Variants in DCDC1 observed in about 807,000 individuals in gnomAD.
The protein encoded by DCDC1 is doublecortin domain-containing protein 1.
DCDC1 carries 200 observed loss-of-function variants against 178.3 expected under a neutral mutation model. The ratio of observed to expected loss-of-function variants is 1.12; its 90% CI spans 1.00 to 1.26. The LOEUF is 1.26. Ranked by LOEUF, DCDC1 falls within the 50% of genes most tolerant of loss-of-function variation. The pLI is 0.00. For synonymous variants in DCDC1, 690 were observed against 604.8 expected (o/e 1.14, Z -2.07); for missense variants, 1,983 against 1,749.2 (o/e 1.13, Z -2.38).
intron 20 of DCDC1, among the ~76,000 whole-genome samples, chr11:31,016,234 T>C (rs1952479324): frequency 6.6e-6 from 1 of 152,192 alleles, no homozygotes; most frequent in Admixed American, 6.5e-5. Context: ...GTTCAATAAA[T>C]GGTGGTTCTT....
At chr11:31,148,949 C>T (rs1418081655) in intron 9 of DCDC1, among the ~76,000 whole-genome samples, 2 of 151,988 alleles carry the variant, frequency 1.3e-5, no homozygotes, top group Admixed American at 1.3e-4. Context: ...TATGCCTTCC[C>T]ATCCTCAAAG....
In DCDC1 at chr11:30,931,939, G is replaced by A. The variant is rs776823503; in HGVS notation, c.2729C>T (p.Pro910Leu). 6 of 1,603,544 alleles carry A rather than the reference G, an allele frequency of 3.7e-6. No individual in the cohort carries two copies. The South Asian group carries it at 6.8e-5, about 18-fold the overall frequency. ...SGQLNEEFDW[P>L]IQGLLVPSSP... Reference sequence around the variant, plus strand: ...GCTCGGAACAAGCAGTCCTTGTATTGGCCAATCAAACTCCTTCAGAAAGAA... The same window carrying A: ...GCTCGGAACAAGCAGTCCTTGTATTAGCCAATCAAACTCCTTCAGAAAGAA... The change falls in exon 22 of 39, where the codon CCA (proline) becomes CTA (leucine). Residue 910 changes from proline (P) to leucine (L), a missense_variant. Physicochemically the swap from Pro to Leu is moderately conservative, Grantham distance 98 (BLOSUM62 -3). Coordinates refer to ENST00000684477, the MANE Select transcript of DCDC1 (RefSeq NM_001387274.1).
intron 3 of DCDC1, among the ~76,000 whole-genome samples, chr11:31,321,310 C>G (rs1949332446): frequency 8.8e-6 from 1 of 113,858 alleles, no homozygotes; most frequent in East Asian, 2.6e-4. Context: ...CAGCGAGATT[C>G]CGTGGGCGTA....
chr11:31,329,501 A>C (rs1383478094), intron 2 of DCDC1, among the ~76,000 whole-genome samples: 1 of 152,030 alleles, frequency 6.6e-6, no homozygotes, highest in Non-Finnish European at 1.5e-5. Flanking sequence ...GTACCCATTA[A>C]CTTGTCATTT....
At chr11:30,876,193 G>T (rs749606628) in intron 38 of DCDC1, among the ~76,000 whole-genome samples, 1 of 152,140 alleles carries the variant, frequency 6.6e-6, no homozygotes, top group Non-Finnish European at 1.5e-5. Context: ...ATTGTTTTCA[G>T]TTGATAGAAA....
intron 9 of DCDC1, among the ~76,000 whole-genome samples, chr11:31,203,086 T>C (rs1322190653): frequency 6.6e-6 from 1 of 151,862 alleles, no homozygotes; most frequent in African/African-American, 2.4e-5. Flanking sequence ...ATAACCAAAA[T>C]TTTCACTTCG....
In DCDC1 at chr11:31,050,988, T is replaced by G. The variant is rs185848131; in HGVS notation, c.2591+13481A>C. On this transcript the variant is annotated intron_variant, in intron 20 of 38. Transcript: ENST00000684477. ...TGGATCCAAAACAGGAAGAAATCCCTGATTTACATGAAAAAGAATTCAGAG... is the reference window on the plus strand; with the variant it reads ...TGGATCCAAAACAGGAAGAAATCCCGGATTTACATGAAAAAGAATTCAGAG... Among the ~76,000 whole-genome samples, 45 of 152,188 alleles carry G rather than the reference T, an allele frequency of 3.0e-4. No homozygotes were observed. The East Asian group carries it at 8.1e-3, about 28-fold the overall frequency.
chr11:31,124,950 G>C (rs1411851618), intron 11 of DCDC1, among the ~76,000 whole-genome samples: 1 of 152,100 alleles, frequency 6.6e-6, no homozygotes, highest in African/African-American at 2.4e-5. Context: ...AAACTAAAGA[G>C]CTTCTGCACA....
rs376717271 is a variant in DCDC1, at chr11:30,906,554, T to A, written c.4090A>T (p.Ile1364Phe). The A allele has an allele frequency of 6.2e-7, 1 of 1,612,936 alleles. No homozygotes were observed. Among genetic ancestry groups the A allele is most frequent in the Admixed American group, 1.7e-5 (1 of 59,852 alleles). ...KPFLQGPFKV[I>F]SVAEVDLSCD... The stretch of plus-strand genomic sequence containing the variant: ...TCATTACATACCTCAGCCACACTGA[T>A]GACCTTGAAGGGCCCTTGTAAGAAG... The change falls in exon 30 of 39, where the codon ATC (isoleucine) becomes TTC (phenylalanine). Residue 1364 changes from isoleucine (I) to phenylalanine (F), a missense_variant. Coordinates refer to ENST00000684477, the MANE Select transcript of DCDC1 (RefSeq NM_001387274.1).
chr11:31,265,482 G>T (rs1033136842), intron 8 of DCDC1, 25 bp downstream of exon 8: 4 of 1,249,644 alleles, frequency 3.2e-6, no homozygotes, highest in South Asian at 3.7e-5. Context: ...ATTATCAAAT[G>T]GTTTACAAAA....
chr11:31,219,553 A>G (rs1246562005), intron 9 of DCDC1, among the ~76,000 whole-genome samples: 1 of 152,078 alleles, frequency 6.6e-6, no homozygotes, highest in African/African-American at 2.4e-5. Context: ...ATTGAAAGAA[A>G]GATGACCAAA....
chr11:31,329,232 A>T (rs538908225), intron 2 of DCDC1, among the ~76,000 whole-genome samples: 1 of 152,056 alleles, frequency 6.6e-6, no homozygotes, highest in South Asian at 2.1e-4. Flanking sequence ...AAAGAGATGA[A>T]AGCAGACCTA....
chr11:30,991,306 G>A (rs2134926531), intron 20 of DCDC1, among the ~76,000 whole-genome samples: 1 of 152,214 alleles, frequency 6.6e-6, no homozygotes, highest in East Asian at 1.9e-4. Context: ...ACATCAGAGT[G>A]TACACCTTAA....
At chr11:31,351,504 T>C (rs966176284) in intron 1 of DCDC1, among the ~76,000 whole-genome samples, 5 of 152,142 alleles carry the variant, frequency 3.3e-5, no homozygotes, top group African/African-American at 1.2e-4. Context: ...TGTAATTCTT[T>C]AGAAATAGAA....
At chr11:31,352,096 AC>A (rs1951102668) in intron 1 of DCDC1, among the ~76,000 whole-genome samples, 1 of 152,176 alleles carries the variant, frequency 6.6e-6, no homozygotes, top group South Asian at 2.1e-4. Flanking sequence ...ATTTGCTTCA[AC>A]AAAAATTATG....
intron 20 of DCDC1, among the ~76,000 whole-genome samples, chr11:31,025,521 A>C (rs1314635108): frequency 6.6e-6 from 1 of 151,774 alleles, no homozygotes; most frequent in African/African-American, 2.4e-5. Flanking sequence ...CAATGAACTA[A>C]GCCAATCTTC....
At chr11:30,958,716 A>G (rs1041766171) in intron 20 of DCDC1, among the ~76,000 whole-genome samples, 3 of 152,150 alleles carry the variant, frequency 2.0e-5, no homozygotes, top group African/African-American at 7.2e-5. Flanking sequence ...TCAAAAAGCT[A>G]CTTCAGAATC....
rs1281612196 is a variant in DCDC1 at position 31,122,829 on chromosome 11, T to C, written c.1485+4640A>G. ...CATATACTGAAAGAATATTTCAATT[T>C]TTGTGCTATTCACAATGCAACACAC... On this transcript the variant is annotated intron_variant, in intron 11 of 38. Coordinates refer to ENST00000684477, the MANE Select transcript of DCDC1 (RefSeq NM_001387274.1). Among the ~76,000 whole-genome samples the C allele has an allele frequency of 3.3e-5, 5 of 152,186 alleles. 1 individual carries two copies. Among genetic ancestry groups the C allele is most frequent in the African/African-American group, 7.2e-5 (3 of 41,470 alleles).
At chr11:31,129,674 G>A (rs976030971) in intron 10 of DCDC1, among the ~76,000 whole-genome samples, 2 of 151,856 alleles carry the variant, frequency 1.3e-5, no homozygotes, top group Admixed American at 1.3e-4. Context: ...TTTCTTATAA[G>A]TAATAGCCCT....
Sources: gnomAD v4.1 joint callset for allele counts (sites outside exome capture counted in the v4.1 genomes callset) on GRCh38, gnomAD v4.1.1 for gene constraint, MANE v1.5 for transcripts, NCBI Gene and HGNC (gene_info 2026-07-23, HGNC 2026-07-21) for gene names.